Variants in EPHA5 observed in about 807,000 individuals in gnomAD.
EPHA5 encodes ephrin type-A receptor 5.
In EPHA5, 60 loss-of-function variants were observed where a neutral mutation model predicts 105.0. That is an observed-to-expected ratio of 0.57 (90% CI 0.46 to 0.71). The LOEUF (loss-of-function observed/expected upper bound fraction) is 0.71. Ranked by LOEUF, EPHA5 falls within the 30% of genes least tolerant of loss-of-function variation. The pLI is 0.00. For synonymous variants in EPHA5, 513 were observed against 449.1 expected, an observed-to-expected ratio of 1.14 and a Z score of -1.80; for missense variants, 1,218 against 1,274.7, an observed-to-expected ratio of 0.96 and a Z score of 0.68.
intron 1 of EPHA5, among the ~76,000 whole-genome samples, chr4:65,644,150 T>C (rs759407649): frequency 1.3e-5 from 2 of 151,858 alleles, no homozygotes; most frequent in Non-Finnish European, 2.9e-5. Context: ...ATTTAGAAAC[T>C]CCAGGACGGA....
At chr4:65,365,668 TATATATATATATATATATATA>T (rs1560458026) in intron 10 of EPHA5, among the ~76,000 whole-genome samples, 6 of 97,842 alleles carry the variant, frequency 6.1e-5, no homozygotes, top group East Asian at 2.7e-4. Context: ...TATATATATA[TATATATATATATATATATATA>T]GTGAAACATT....
Position 65,332,251 on chromosome 4 carries a change from AT to A in EPHA5, c.2790-124del, listed in dbSNP as rs1720695341. The stretch of plus-strand genomic sequence containing the variant: ...CTGTAAGTATATTTATAGAGGAAAA[AT>A]ATGCAAATGCTAATATGGAAGAAAA... On this transcript the variant is annotated intron_variant, in intron 15 of 16. Transcript: ENST00000613740. The A allele has an allele frequency of 7.1e-5, 50 of 699,792 alleles. No individual in the cohort carries two copies. The South Asian group carries it at 1.4e-3, about 20-fold the overall frequency. The allele number at this position is 699,792 out of a possible 1,614,324, so 43.3% of individuals were successfully genotyped here. A position where few individuals can be genotyped will look rare whatever the true frequency, so the allele number is the denominator to read the frequency against.
intron 3 of EPHA5, among the ~76,000 whole-genome samples, chr4:65,516,393 C>G (rs7673091): frequency 5.3e-5 from 8 of 151,954 alleles, no homozygotes; most frequent in Non-Finnish European, 1.2e-4. Flanking sequence ...CGTTGCTCTC[C>G]TGATGTTGAG....
chr4:65,593,884 T>C lies in EPHA5; in HGVS notation c.910+7757A>G, dbSNP rs561288107. Among the ~76,000 whole-genome samples, 4 of 152,324 alleles carry C rather than the reference T, an allele frequency of 2.6e-5. No homozygotes were observed. In the South Asian group the frequency reaches 8.3e-4, roughly 32 times the overall value. ...CTATTGAATGATTTTATGCAAGTGT[T>C]GGTTACTTTGTTTCTTATAATTCGC... On this transcript the variant is annotated intron_variant, in intron 3 of 16. Transcript: ENST00000613740.
At chr4:65,635,346 A>G (rs889841018) in intron 2 of EPHA5, among the ~76,000 whole-genome samples, 2 of 152,170 alleles carry the variant, frequency 1.3e-5, no homozygotes, top group Non-Finnish European at 2.9e-5. Context: ...ATGATTATGA[A>G]TGATCCTAAA....
At chr4:65,574,542 A>G (rs771808878) in intron 3 of EPHA5, among the ~76,000 whole-genome samples, 11 of 147,106 alleles carry the variant, frequency 7.5e-5, no homozygotes, top group African/African-American at 2.5e-4. Flanking sequence ...AATGTCCAAT[A>G]CTGGAAAAAT....
intron 2 of EPHA5, among the ~76,000 whole-genome samples, chr4:65,614,253 C>T (rs1036394451): frequency 6.6e-6 from 1 of 151,784 alleles, no homozygotes; most frequent in Non-Finnish European, 1.5e-5. Flanking sequence ...TTAAAACAAG[C>T]TGTTAACTGC....
At position 65,400,427 on chromosome 4, in the gene EPHA5, A is replaced by AC. The variant is rs527714795; in HGVS notation, c.1793+3946dup. On this transcript the variant is annotated intron_variant, in intron 8 of 16. Coordinates refer to ENST00000613740, the MANE Select transcript of EPHA5 (RefSeq NM_001281766.3). ...AGAGAGTCTGAACCCTGCAGAAAATACCCCATAGATTACTTAACACATTTA... is the reference window on the plus strand; with the variant it reads ...AGAGAGTCTGAACCCTGCAGAAAATACCCCCATAGATTACTTAACACATTTA... Among the ~76,000 whole-genome samples, 198 of 152,256 alleles carry AC rather than the reference A, an allele frequency of 1.3e-3. 1 individual carries two copies. The highest frequency in any genetic ancestry group is 4.5e-3 in the African/African-American group (187 of 41,572).
intron 14 of EPHA5, among the ~76,000 whole-genome samples, chr4:65,342,001 T>C (rs769176873): frequency 6.6e-6 from 1 of 152,262 alleles, no homozygotes; most frequent in East Asian, 1.9e-4. Flanking sequence ...ATTAAAGATA[T>C]ATTATGTTTT....
At chr4:65,502,329 GA>G (rs969292609) in intron 3 of EPHA5, among the ~76,000 whole-genome samples, 5 of 150,482 alleles carry the variant, frequency 3.3e-5, no homozygotes, top group East Asian at 1.9e-4. Context: ...CCTGCAGAAT[GA>G]AAAAAAATTG....
chr4:65,579,972 A>G (rs1212931398), intron 3 of EPHA5, among the ~76,000 whole-genome samples: 2 of 151,990 alleles, frequency 1.3e-5, no homozygotes, highest in Non-Finnish European at 2.9e-5. Flanking sequence ...AATAGTCTTT[A>G]TTAATATTTG....
At position 65,461,736 on chromosome 4, in the gene EPHA5, C is replaced by T. The variant is rs932427180; in HGVS notation, c.1402+28641G>A. Among the ~76,000 whole-genome samples, 6 of 151,860 alleles carry T rather than the reference C, an allele frequency of 4.0e-5. No individual in the cohort carries two copies. In the East Asian group the frequency reaches 1.2e-3, roughly 29 times the overall value. On this transcript the variant is annotated intron_variant, in intron 5 of 16. Transcript: ENST00000613740. The stretch of plus-strand genomic sequence containing the variant: ...GACACATTTAATGGGTACAGCAAAA[C>T]TTCATTAACAGCTACAAAAATGGGG...
chr4:65,639,937 T>C (rs551592531), intron 2 of EPHA5, among the ~76,000 whole-genome samples: 1 of 152,246 alleles, frequency 6.6e-6, no homozygotes, highest in Non-Finnish European at 1.5e-5. Context: ...TTCTATCTCT[T>C]TATTGATACT....
chr4:65,669,696 C>A lies in EPHA5; in HGVS notation c.47G>T (p.Ser16Ile). The A allele has an allele frequency of 7.7e-7, 1 of 1,305,922 alleles. No homozygotes were observed. Among genetic ancestry groups the A allele is most frequent in the Non-Finnish European group, 9.8e-7 (1 of 1,024,624 alleles). 80.9% of individuals were successfully genotyped at this position (1,305,922 alleles called of 1,614,324 possible). ...PRGAGRRRPP[S>I]GGGDTPITPA... ...GGTGATGGGGGTGTCGCCGCCGCCG[C>A]TTGGGGGCCGCCGGCGTCCCGCACC... The change falls in exon 1 of 17, where the codon AGC becomes ATC. Residue 16 changes from serine (S) to isoleucine (I), a missense_variant. By Grantham distance (142) the Ser-to-Ile change is moderately radical. Around this residue, in one of 3 missense-constraint regions of EPHA5, gnomAD observed 233 missense variants for 227.5 expected, o/e 1.02. Transcript: ENST00000613740.
chr4:65,667,049 A>G (rs1578737108), intron 1 of EPHA5, among the ~76,000 whole-genome samples: 1 of 152,196 alleles, frequency 6.6e-6, no homozygotes, highest in South Asian at 2.1e-4. Context: ...GTCAAATTAT[A>G]TGAGAAAAAG....
chr4:65,576,376 T>C (rs1741056457), intron 3 of EPHA5, among the ~76,000 whole-genome samples: 1 of 152,210 alleles, frequency 6.6e-6, no homozygotes, highest in Non-Finnish European at 1.5e-5. Context: ...CCAGAAGAAG[T>C]ACAGCCTTTT....
At position 65,321,898 on chromosome 4, in the gene EPHA5, G is replaced by A. The variant is rs1719666485; in HGVS notation, c.*2216C>T. On this transcript the variant is annotated 3_prime_UTR_variant, in exon 17 of 17. Coordinates refer to ENST00000613740, the MANE Select transcript of EPHA5 (RefSeq NM_001281766.3). ...TTTGAATCAATAAGGCTTTCATTCTGAAGTTTCTCAGTTGTTACTTTATCA... is the reference window on the plus strand; with the variant it reads ...TTTGAATCAATAAGGCTTTCATTCTAAAGTTTCTCAGTTGTTACTTTATCA... The A allele has an allele frequency of 8.9e-6, 2 of 225,532 alleles. No individual in the cohort carries two copies. Among genetic ancestry groups the A allele is most frequent in the East Asian group, 1.3e-4 (2 of 15,716 alleles). The allele number at this position is 225,532 out of a possible 1,614,324, so 14.0% of individuals were successfully genotyped here. A position where few individuals can be genotyped will look rare whatever the true frequency, so the allele number is the denominator to read the frequency against.
chr4:65,336,181 G>A lies in EPHA5; in HGVS notation c.2596-56C>T, dbSNP rs573735476. The A allele has an allele frequency of 1.6e-5, 22 of 1,401,122 alleles. No homozygotes were observed. The African/African-American group carries it at 2.5e-4, about 16-fold the overall frequency. 86.8% of individuals were successfully genotyped at this position (1,401,122 alleles called of 1,614,324 possible). The stretch of plus-strand genomic sequence containing the variant: ...AACACCACAAATTTAGTATAGAATA[G>A]CTTTAAAAATGTCCCACTGTCCAAC... On this transcript the variant is annotated intron_variant, in intron 14 of 16. Transcript: ENST00000613740.
intron 7 of EPHA5, among the ~76,000 whole-genome samples, chr4:65,413,671 C>T (rs1450379877): frequency 1.3e-5 from 2 of 152,056 alleles, no homozygotes; most frequent in Non-Finnish European, 2.9e-5. Context: ...TTTCTGTCTT[C>T]GAATTCTTCT....
Sources: allele counts gnomAD v4.1 joint callset (sites outside exome capture counted in the v4.1 genomes callset), GRCh38; gene constraint gnomAD v4.1.1; regional missense constraint gnomAD v4.1.1; transcripts MANE v1.5; gene names NCBI Gene and HGNC (gene_info 2026-07-23, HGNC 2026-07-21).